Variants in ZNF254 observed in about 807,000 individuals in gnomAD.
The protein encoded by ZNF254 is zinc finger protein 254.
ZNF254 carries 10 observed loss-of-function variants against 12.4 expected under a neutral mutation model. The observed-to-expected ratio is 0.80, with a 90% CI of 0.50 to 1.36. The LOEUF is 1.36. Among genes scored for constraint, ZNF254 ranks in the 40% most tolerant of loss-of-function variants. ZNF254 has a pLI of 0.00. For synonymous variants in ZNF254, 305 were observed against 253.4 expected, an observed-to-expected ratio of 1.20 and a Z score of -1.93; for missense variants, 996 against 763.9, an observed-to-expected ratio of 1.30 and a Z score of -3.58.
Position 24,106,538 on chromosome 19 carries a change from A to G in ZNF254, c.158-10A>G. The G allele has an allele frequency of 6.4e-7, 1 of 1,568,064 alleles. No homozygotes were observed. Among genetic ancestry groups the G allele is most frequent in the South Asian group, 1.1e-5 (1 of 90,556 alleles). The stretch of plus-strand genomic sequence containing the variant: ...AAGCAAGATTCATTTAGTTATTTTT[A>G]ATAAAACAGGTATTGCTGTCTCTAA... On this transcript the variant is annotated splice_polypyrimidine_tract_variant and intron_variant, in intron 2 of 3. Transcript: ENST00000357002.
chr19:24,067,791 C>A (rs912214076), intron 2 of ZNF254, among the ~76,000 whole-genome samples: 8 of 151,950 alleles, frequency 5.3e-5, no homozygotes, highest in Middle Eastern at 3.4e-3. Flanking sequence ...TTGCCTGGAC[C>A]CTACAAATAT....
chr19:24,045,746 C>G (rs572908162), intron 1 of ZNF254, among the ~76,000 whole-genome samples: 2 of 151,578 alleles, frequency 1.3e-5, no homozygotes, highest in Non-Finnish European at 2.9e-5. Flanking sequence ...ATCTCTCGGT[C>G]GCTGGCAATA....
exon 1 of ZNF254, chr19:24,033,477 A>G (rs530690453): frequency 1.4e-4 from 26 of 186,952 alleles, no homozygotes; most frequent in South Asian, 5.2e-4. Context: ...CGCTCCCACC[A>G]GAGCTTGGAA....
intron 2 of ZNF254, among the ~76,000 whole-genome samples, chr19:24,056,292 C>T (rs1038608661): frequency 2.6e-5 from 4 of 152,094 alleles, no homozygotes; most frequent in African/African-American, 9.7e-5. Flanking sequence ...GGTAATGTAA[C>T]TCTACTGCCA....
chr19:24,040,001 T>G (rs899861423), intron 1 of ZNF254, among the ~76,000 whole-genome samples: 4 of 152,166 alleles, frequency 2.6e-5, no homozygotes, highest in Non-Finnish European at 5.9e-5. Context: ...GCTTAAACCA[T>G]TAAAATCAGA....
exon 1 of ZNF254, chr19:24,033,551 T>C (rs1456959670): frequency 6.2e-6 from 2 of 321,024 alleles, no homozygotes; most frequent in Non-Finnish European, 1.2e-5. Context: ...ACGGCCTCTG[T>C]TGCCCTGTGA....
At chr19:24,099,499 C>T (rs891556487) in intron 1 of ZNF254, among the ~76,000 whole-genome samples, 2 of 152,186 alleles carry the variant, frequency 1.3e-5, no homozygotes, top group African/African-American at 4.8e-5. Flanking sequence ...AGTAGAGAGC[C>T]ACTGATTTAA....
At chr19:24,068,932 T>TCC (rs1335732641) in intron 2 of ZNF254, among the ~76,000 whole-genome samples, 1 of 152,158 alleles carries the variant, frequency 6.6e-6, no homozygotes, top group Non-Finnish European at 1.5e-5. Context: ...TAACACTCTC[T>TCC]CAAATATTCT....
At chr19:24,087,047 A>G (rs1972066463), upstream of ZNF254, 2 of 440,814 alleles carry the variant, frequency 4.5e-6, no homozygotes, top group Non-Finnish European at 8.5e-6. Flanking sequence ...TCTTCAGCCT[A>G]GGGTGTGATC....
At chr19:24,091,191 C>T (rs753292937) in intron 1 of ZNF254, among the ~76,000 whole-genome samples, 5 of 151,572 alleles carry the variant, frequency 3.3e-5, no homozygotes, top group Admixed American at 6.6e-5. Context: ...GTGATCCGCC[C>T]GCCTGGGCCT....
intron 3 of ZNF254, among the ~76,000 whole-genome samples, chr19:24,108,674 C>A (rs1341512453): frequency 6.6e-6 from 1 of 152,132 alleles, no homozygotes; most frequent in Non-Finnish European, 1.5e-5. Flanking sequence ...AATTTTCTTG[C>A]TGACAGAGGA....
intron 1 of ZNF254, among the ~76,000 whole-genome samples, chr19:24,034,522 G>T (rs1183301904): frequency 1.0e-4 from 12 of 119,270 alleles, no homozygotes; most frequent in African/African-American, 3.5e-4. Flanking sequence ...TTTTGTGCCA[G>T]AGTCTCATTC....
At position 24,126,552 on chromosome 19, in the gene ZNF254, T is replaced by TA. The variant is rs1314716609; in HGVS notation, c.558dup (p.Arg187ThrfsTer11). 1.9e-6 allele frequency: 3 copies of TA among 1,603,504 alleles called. No homozygotes were observed. The highest frequency in any genetic ancestry group is 1.3e-5 in the African/African-American group (1 of 74,184). ...ATACTGAAAAGAAATCTTTCAAATG[T>TA]AAAAAACGTGTCAAATTATTTTGCA... On this transcript the variant is annotated frameshift_variant, in exon 4 of 4. Coordinates refer to ENST00000357002, the MANE Select transcript of ZNF254 (RefSeq NM_203282.4). LOFTEE classifies it low-confidence loss of function (END_TRUNC).
chr19:24,051,366 G>T (rs1970639626), intron 2 of ZNF254, among the ~76,000 whole-genome samples: 1 of 151,924 alleles, frequency 6.6e-6, no homozygotes, highest in African/African-American at 2.4e-5. Context: ...CACCATGTTG[G>T]CCAGGCTGGT....
intron 2 of ZNF254, among the ~76,000 whole-genome samples, chr19:24,053,543 A>T (rs1270645210): frequency 2.0e-5 from 3 of 152,008 alleles, no homozygotes; most frequent in Non-Finnish European, 4.4e-5. Context: ...AGAACACTGG[A>T]CATATCACAG....
At chr19:24,049,217 T>TC (rs1568426580) in intron 2 of ZNF254, among the ~76,000 whole-genome samples, 10 of 116,542 alleles carry the variant, frequency 8.6e-5, no homozygotes, top group South Asian at 6.2e-4. Context: ...TATATATATT[T>TC]TTTTTTTTTT....
Position 24,127,282 on chromosome 19 carries a change from C to G in ZNF254, c.1282C>G (p.His428Asp). 1.2e-6 allele frequency: 2 copies of G among 1,613,530 alleles called. No homozygotes were observed. Among genetic ancestry groups the G allele is most frequent in the Non-Finnish European group, 1.7e-6 (2 of 1,179,778 alleles). Residue 428 changes from histidine to aspartate, a missense_variant, in exon 4 of 4, where the codon CAT becomes GAT. His to Asp is a moderately conservative substitution (Grantham distance 81). Transcript: ENST00000357002. ...SSNLTTHKII[H>D]TGEKPYKCEE... ...AAATCTTACTACACATAAGATAATT[C>G]ATACTGGAGAGAAACCTTACAAGTG...
chr19:24,076,792 C>T lies in ZNF254; in HGVS notation c.-93-29148C>T, dbSNP rs554653777. 1.1e-4 allele frequency among the ~76,000 whole-genome samples: 16 copies of T among 152,220 alleles called. No individual in the cohort carries two copies. In the South Asian group the frequency reaches 2.5e-3, roughly 24 times the overall value. On this transcript the variant is annotated intron_variant, in intron 2 of 4. Coordinates refer to the ZNF254 transcript ENST00000613065. ...TTATTCTGTCAAGTTTAAATAGATA[C>T]GCTTGATAATACAAGGAGTTCCCAC...
intron 1 of ZNF254, among the ~76,000 whole-genome samples, chr19:24,045,904 G>GAA (rs962835169): frequency 6.7e-6 from 1 of 149,004 alleles, no homozygotes; most frequent in Non-Finnish European, 1.5e-5. Flanking sequence ...TTGCTTTCAG[G>GAA]AAAAAAAAAA....
Sources: allele counts gnomAD v4.1 joint callset (sites outside exome capture counted in the v4.1 genomes callset), GRCh38; gene constraint gnomAD v4.1.1; transcripts MANE v1.5; gene names NCBI Gene and HGNC (gene_info 2026-07-23, HGNC 2026-07-21).